Variants in RANBP2 observed in about 807,000 individuals in gnomAD.
RANBP2 encodes the protein RAN binding protein 2.
Under a neutral mutation model 303.6 loss-of-function variants are expected in RANBP2, and 57 were observed. That is an observed-to-expected ratio of 0.19 (90% CI 0.15 to 0.23). The LOEUF (loss-of-function observed/expected upper bound fraction) is 0.23, where lower values mean the gene tolerates loss of function less well. RANBP2 is among the 10% of genes least tolerant of loss of function. RANBP2 has a pLI of 1.00. For missense variants in RANBP2, 3,138 were observed against 3,780.8 expected, an observed-to-expected ratio of 0.83 and a Z score of 4.46; for synonymous variants, 1,167 against 1,301.5, an observed-to-expected ratio of 0.90 and a Z score of 2.23.
the RANBP2 span, among the ~76,000 whole-genome samples, chr2:108,892,058 G>A: frequency 6.6e-6 from 1 of 152,112 alleles, no homozygotes; most frequent in Non-Finnish European, 1.5e-5. Context: ...ACCACCATTG[G>A]TGGCCAGGAT....
the RANBP2 span, among the ~76,000 whole-genome samples, chr2:109,708,351 T>A: frequency 2.3e-3 from 353 of 151,134 alleles, 2 homozygotes; most frequent in South Asian, 8.0e-3. Context: ...CAGAGCAAGA[T>A]CCTGTCTCTA....
At chr2:109,089,641 A>G in the RANBP2 span, among the ~76,000 whole-genome samples, 5 of 152,118 alleles carry the variant, frequency 3.3e-5, no homozygotes, top group Non-Finnish European at 7.3e-5. Flanking sequence ...TGGTGGGGAC[A>G]TGTGTTGGAA....
chr2:109,416,889 AGT>A, the RANBP2 span, among the ~76,000 whole-genome samples: 1 of 143,560 alleles, frequency 7.0e-6, no homozygotes, highest in Non-Finnish European at 1.5e-5. Flanking sequence ...TGGGCGACAG[AGT>A]GAGACTTCAT....
rs370631583 is a variant in RANBP2, at chr2:108,722,561, T to C, written c.72+2883T>C. On this transcript the variant is annotated intron_variant, in intron 1 of 28. Transcript: ENST00000283195. ...TGTGATGATGCGTCTGTATATCATA[T>C]CTTTCTAGTCTTTCATTGTGCTTTC... Among the ~76,000 whole-genome samples, 237 of 151,034 alleles carry C rather than the reference T, an allele frequency of 1.6e-3. 1 individual carries two copies. The highest frequency in any genetic ancestry group is 0.012 in the South Asian group (56 of 4,772).
At chr2:108,792,261 T>C in the RANBP2 span, among the ~76,000 whole-genome samples, 2 of 152,190 alleles carry the variant, frequency 1.3e-5, no homozygotes, top group Non-Finnish European at 2.9e-5. Flanking sequence ...TTGATAATAC[T>C]GGTGCTGGTA....
the RANBP2 span, among the ~76,000 whole-genome samples, chr2:109,485,237 G>C: frequency 6.9e-5 from 10 of 145,046 alleles, no homozygotes; most frequent in Admixed American, 7.3e-4. Context: ...TTTGAAAGAA[G>C]TGGTGGGACA....
chr2:109,691,401 C>A, the RANBP2 span, among the ~76,000 whole-genome samples: 1 of 152,082 alleles, frequency 6.6e-6, no homozygotes, highest in Non-Finnish European at 1.5e-5. Context: ...CTGGGTTGGA[C>A]CGGGGCCTGG....
chr2:109,087,371 T>C, the RANBP2 span, among the ~76,000 whole-genome samples: 1 of 152,196 alleles, frequency 6.6e-6, no homozygotes, highest in Non-Finnish European at 1.5e-5. Context: ...AGGGATCTCC[T>C]GGCCCCTCCT....
chr2:108,740,776 A>G (rs1482799965), intron 7 of RANBP2, 95 bp downstream of exon 7: 2 of 1,562,280 alleles, frequency 1.3e-6, no homozygotes, highest in Non-Finnish European at 8.6e-7. Context: ...CAATATGTGA[A>G]CAAACCTGTG....
At chr2:109,381,368 A>G in the RANBP2 span, among the ~76,000 whole-genome samples, 178 of 152,300 alleles carry the variant, frequency 1.2e-3, 1 homozygote, top group South Asian at 3.9e-3. Context: ...GAGCAGGTCA[A>G]TGGCGGGGTT....
the RANBP2 span, among the ~76,000 whole-genome samples, chr2:109,475,278 C>T: frequency 6.6e-6 from 1 of 152,202 alleles, no homozygotes; most frequent in African/African-American, 2.4e-5. Context: ...CGCCCGGCTT[C>T]AGTATTATCT....
At chr2:109,079,842 C>T in the RANBP2 span, among the ~76,000 whole-genome samples, 1 of 152,184 alleles carries the variant, frequency 6.6e-6, no homozygotes, top group Non-Finnish European at 1.5e-5. Flanking sequence ...GGTGGGAACT[C>T]CAGGCAGAGG....
At chr2:109,528,722 G>A in the RANBP2 span, among the ~76,000 whole-genome samples, 76,321 of 151,918 alleles carry the variant, frequency 0.5, 20,684 homozygotes, top group Non-Finnish European at 0.61. Context: ...GGTCCCCAAA[G>A]CGTCCTACTC....
At chr2:109,161,486 G>A in the RANBP2 span, among the ~76,000 whole-genome samples, 3 of 151,220 alleles carry the variant, frequency 2.0e-5, no homozygotes, top group South Asian at 2.1e-4. Flanking sequence ...GTTGGGTGAC[G>A]TGCATTACAT....
At chr2:108,966,884 A>G in the RANBP2 span, among the ~76,000 whole-genome samples, 2 of 152,224 alleles carry the variant, frequency 1.3e-5, no homozygotes, top group African/African-American at 4.8e-5. Context: ...AGGGAGACAG[A>G]GAGGGACCCT....
rs1676850933 is a variant in RANBP2, at chr2:108,763,087, G to A, written c.2698-150G>A. On this transcript the variant is annotated intron_variant, in intron 19 of 28. Coordinates refer to ENST00000283195, the MANE Select transcript of RANBP2 (RefSeq NM_006267.5). ...TCACACAGAAAATTTGCAGCCTCTG[G>A]CATAAACGGGTTAATGATGTGTACT... 3.2e-6 allele frequency: 3 copies of A among 947,284 alleles called. No homozygotes were observed. The Admixed American group carries it at 6.1e-5, about 19-fold the overall frequency. 58.7% of individuals were successfully genotyped at this position (947,284 alleles called of 1,614,324 possible). A position where few individuals can be genotyped will look rare whatever the true frequency, so the allele number is the denominator to read the frequency against.
Position 108,762,187 on chromosome 2 carries a change from C to A in RANBP2, c.2689C>A (p.Pro897Thr), listed in dbSNP as rs778449584. Residue 897 changes from proline (P) to threonine (T), a missense_variant, in exon 19 of 29, where the codon CCC becomes ACC. Physicochemically the swap from Pro to Thr is conservative, Grantham distance 38. Around this residue, in one of 20 missense-constraint regions of RANBP2, gnomAD observed 403 missense variants for 376.7 expected, o/e 1.07. Transcript: ENST00000283195. ...TCTCAGACCAGCAGCTAATGTTACTCCCACAAAGGTAACAAAGGAATAATT... is the reference window on the plus strand; with the variant it reads ...TCTCAGACCAGCAGCTAATGTTACTACCACAAAGGTAACAAAGGAATAATT... Reference protein sequence around the residue: ...YLLRPAANVTPTKGPVYGMNR... With the variant: ...YLLRPAANVTTTKGPVYGMNR... 1.3e-6 allele frequency: 2 copies of A among 1,586,968 alleles called. No individual in the cohort carries two copies. The highest frequency in any genetic ancestry group is 1.1e-5 in the South Asian group (1 of 88,736).
downstream of RANBP2, chr2:108,788,113 G>T: frequency 6.3e-7 from 1 of 1,599,758 alleles, no homozygotes; most frequent in Non-Finnish European, 8.5e-7. Context: ...TTGTATATTT[G>T]GGGGTTTCAA....
the RANBP2 span, among the ~76,000 whole-genome samples, chr2:109,154,503 C>T: frequency 2.0e-5 from 3 of 152,350 alleles, no homozygotes; most frequent in Middle Eastern, 3.4e-3. Flanking sequence ...GAGGCTTCCT[C>T]AGCTGGCTTG....
Sources: allele counts gnomAD v4.1 joint callset (sites outside exome capture counted in the v4.1 genomes callset), GRCh38; gene constraint gnomAD v4.1.1; regional missense constraint gnomAD v4.1.1; transcripts MANE v1.5; gene names NCBI Gene and HGNC (gene_info 2026-07-23, HGNC 2026-07-21).